The following FHL1 variants were observed in gnomAD, a reference collection of about 807,000 sequenced individuals.
The protein encoded by FHL1 is four and a half LIM domains protein 1.
In FHL1, 1 loss-of-function variant was observed where a neutral mutation model predicts 20.3. The ratio of observed to expected loss-of-function variants is 0.05; its 90% CI spans 0.02 to 0.23. The LOEUF is 0.23. Ranked by LOEUF, FHL1 falls within the 10% of genes least tolerant of loss-of-function variation. FHL1 has a pLI of 1.00. For missense variants in FHL1, 177 were observed against 234.0 expected (o/e 0.76, Z 1.59); for synonymous variants, 82 against 88.9 (o/e 0.92, Z 0.44).
chrX:136,155,767 C>A (rs1463857284), intron 1 of FHL1, among the ~76,000 whole-genome samples: 1 of 109,502 alleles, frequency 9.1e-6, no homozygotes, highest in Admixed American at 9.8e-5. Flanking sequence ...GATAAAAACT[C>A]ACAGATAGGA....
chrX:136,150,953 G>A (rs1402570816), intron 1 of FHL1, among the ~76,000 whole-genome samples: 1 of 112,334 alleles, frequency 8.9e-6, no homozygotes, highest in East Asian at 2.8e-4. Context: ...TGGCAAATTG[G>A]GCCTCCCCAA....
upstream of FHL1, among the ~76,000 whole-genome samples, chrX:136,194,024 C>T: frequency 9.1e-6 from 1 of 109,654 alleles, no homozygotes; most frequent in African/African-American, 3.3e-5. Flanking sequence ...GACATGGTAC[C>T]ATTTTCTTGG....
chrX:136,184,684 A>ATG (rs200765850), intron 2 of FHL1, among the ~76,000 whole-genome samples: 105 of 111,607 alleles, frequency 9.4e-4, no homozygotes, highest in African/African-American at 3.4e-3. Flanking sequence ...TATATGATAA[A>ATG]TGTGTGTGTG....
rs767793252 is a variant in FHL1, at chrX:136,210,241, C to T, written c.*216C>T. ...AGCAACCCTGCAGCAAAGTGAATTTCTGTCCGGCTGCAATTTAAAAATGAA... is the reference window on the plus strand; with the variant it reads ...AGCAACCCTGCAGCAAAGTGAATTTTTGTCCGGCTGCAATTTAAAAATGAA... On this transcript the variant is annotated 3_prime_UTR_variant, in exon 6 of 6. Transcript: ENST00000370683. The T allele has an allele frequency of 1.5e-4, 82 of 529,838 alleles. No individual in the cohort carries two copies. Among genetic ancestry groups the T allele is most frequent in the Non-Finnish European group, 2.0e-4 (62 of 306,699 alleles). The allele number at this position is 529,838 out of a possible 1,213,427, so 43.7% of individuals were successfully genotyped here.
At chrX:136,169,810 A>G (rs1280717333) in intron 1 of FHL1, 2 of 331,087 alleles carry the variant, frequency 6.0e-6, no homozygotes. Context: ...ACCATGAGCC[A>G]TTTCATAGGA....
chrX:136,159,107 C>T (rs1437315101), intron 1 of FHL1, among the ~76,000 whole-genome samples: 1 of 103,228 alleles, frequency 9.7e-6, no homozygotes, highest in Non-Finnish European at 2.0e-5. Flanking sequence ...TCAGTACTTC[C>T]TGCTTAGTTT....
At chrX:136,158,175 G>A (rs1376871255) in intron 1 of FHL1, among the ~76,000 whole-genome samples, 1 of 111,653 alleles carries the variant, frequency 9.0e-6, no homozygotes, top group Non-Finnish European at 1.9e-5. Flanking sequence ...AAGATTTGAA[G>A]GCTTCAGAGG....
intron 1 of FHL1, among the ~76,000 whole-genome samples, chrX:136,149,142 C>T (rs779216128): frequency 1.2e-4 from 13 of 112,026 alleles, no homozygotes; most frequent in Admixed American, 9.5e-5. Context: ...GTAAACGTTA[C>T]GGTGTTCCTT....
At position 136,207,121 on chromosome X, in the gene FHL1, C is replaced by G; in HGVS notation, c.310C>G (p.Leu104Val). ...CTTTGTGGCCAAGGACAACAAGATC[C>G]TGTGCAACAAGTGCACCACTCGGGA... ...ETFVAKDNKI[L>V]CNKCTTREDS... The change falls in exon 3 of 6, where the codon CTG becomes GTG. Residue 104 changes from leucine (L) to valine (V), a missense_variant. Transcript: ENST00000370683. 1 of 1,211,988 alleles carries G rather than the reference C, an allele frequency of 8.3e-7. No individual in the cohort carries two copies. The highest frequency in any genetic ancestry group is 1.8e-5 in the South Asian group (1 of 56,997).
intron 1 of FHL1, among the ~76,000 whole-genome samples, chrX:136,163,011 C>T (rs1271595798): frequency 8.9e-6 from 1 of 112,350 alleles, no homozygotes; most frequent in Admixed American, 9.4e-5. Context: ...AGGGGAGGAA[C>T]GCCCTGCCCT....
intron 1 of FHL1, among the ~76,000 whole-genome samples, chrX:136,197,701 TGGACTCCTTG>T (rs1232416766): frequency 3.5e-5 from 4 of 112,777 alleles, no homozygotes; most frequent in African/African-American, 6.4e-5. Context: ...GGGCACATTT[TGGACTCCTTG>T]GGACATGAGC....
At chrX:136,168,019 C>T (rs2072759153), upstream of FHL1, 1 of 112,422 alleles carries the variant, frequency 8.9e-6, no homozygotes, top group African/African-American at 3.2e-5. Context: ...GACTTTTTGC[C>T]TGCTGTAATA....
chrX:136,160,702 T>C (rs2072542353), intron 1 of FHL1, among the ~76,000 whole-genome samples: 1 of 112,456 alleles, frequency 8.9e-6, no homozygotes, highest in Non-Finnish European at 1.9e-5. Context: ...AATAATTCTT[T>C]GTGTACAGAT....
chrX:136,161,751 T>C (rs936794269), intron 1 of FHL1, among the ~76,000 whole-genome samples: 10 of 111,399 alleles, frequency 9.0e-5, no homozygotes, highest in Admixed American at 2.9e-4. Flanking sequence ...AATAAAAAAA[T>C]ATTTATCCAG....
rs768330289 is a variant in FHL1 at position 136,210,306 on chromosome X, G to A, written c.*281G>A. The A allele has an allele frequency of 1.1e-5, 5 of 444,495 alleles. No homozygotes were observed. The Admixed American group carries it at 1.4e-4, about 12-fold the overall frequency. 36.6% of individuals were successfully genotyped at this position (444,495 alleles called of 1,213,427 possible). A position where few individuals can be genotyped will look rare whatever the true frequency, so the allele number is the denominator to read the frequency against. ...GACTCTTCTGCATGTTTCTCATAGA[G>A]CAGAAAAGTGCTAATCATTTAGCCA... On this transcript the variant is annotated 3_prime_UTR_variant, in exon 6 of 6. Transcript: ENST00000370683.
At chrX:136,188,264 CT>C (rs1367575256) in intron 2 of FHL1, among the ~76,000 whole-genome samples, 1 of 111,643 alleles carries the variant, frequency 9.0e-6, no homozygotes, top group African/African-American at 3.3e-5. Context: ...GTGTGATTAT[CT>C]GGAATTGAGA....
At chrX:136,180,869 G>A (rs2073137921) in intron 2 of FHL1, among the ~76,000 whole-genome samples, 1 of 111,598 alleles carries the variant, frequency 9.0e-6, no homozygotes, top group African/African-American at 3.3e-5. Context: ...AGCTTCCTGA[G>A]TAGCTGGAAT....
At chrX:136,179,973 A>C (rs1452054066) in intron 2 of FHL1, among the ~76,000 whole-genome samples, 1 of 111,857 alleles carries the variant, frequency 8.9e-6, no homozygotes, top group Non-Finnish European at 1.9e-5. Context: ...TGCATTTCAG[A>C]GTACGCTGAA....
intron 1 of FHL1, among the ~76,000 whole-genome samples, chrX:136,202,899 T>TG (rs2073750282): frequency 8.9e-6 from 1 of 112,574 alleles, no homozygotes; most frequent in South Asian, 3.7e-4. Flanking sequence ...TTTTTAGAGT[T>TG]GTTTTGGTCT....
Sources: gnomAD v4.1 joint callset for allele counts (sites outside exome capture counted in the v4.1 genomes callset) on GRCh38, gnomAD v4.1.1 for gene constraint, MANE v1.5 for transcripts, NCBI Gene and HGNC (gene_info 2026-07-23, HGNC 2026-07-21) for gene names.